Variants in TARBP1 observed in about 807,000 individuals in gnomAD.
TARBP1 encodes the protein tRNA (guanosine(18)-2'-O)-methyltransferase TARBP1.
Under a neutral mutation model 178.6 loss-of-function variants are expected in TARBP1, and 144 were observed. The ratio of observed to expected loss-of-function variants is 0.81; its 90% CI spans 0.70 to 0.93. TARBP1 has a LOEUF of 0.93. TARBP1 is among the 40% of genes least tolerant of loss of function. The pLI is 0.00. For missense variants in TARBP1, 2,067 were observed against 2,011.7 expected (o/e 1.03, Z -0.53); for synonymous variants, 787 against 781.0 (o/e 1.01, Z -0.13).
chr1:234,450,329 T>G, intron 10 of TARBP1, 99 bp downstream of exon 10: 1 of 899,948 alleles, frequency 1.1e-6, no homozygotes, highest in Non-Finnish European at 1.6e-6. Context: ...TAAATCATCA[T>G]ATATTTCGTA....
chr1:234,435,391 A>G (rs115693882), intron 13 of TARBP1, among the ~76,000 whole-genome samples: 16,824 of 152,208 alleles, frequency 0.11, 1,147 homozygotes, highest in East Asian at 0.23. Context: ...GCTGAGGCAG[A>G]AGATTGCTTG....
Position 234,479,163 on chromosome 1 carries a change from G to A in TARBP1, c.-60C>T, listed in dbSNP as rs1669896623. 7.0e-7 allele frequency: 1 copy of A among 1,423,394 alleles called. No individual in the cohort carries two copies. The highest frequency in any genetic ancestry group is 1.5e-5 in the South Asian group (1 of 68,186). 88.2% of individuals were successfully genotyped at this position (1,423,394 alleles called of 1,614,324 possible). On this transcript the variant is annotated 5_prime_UTR_variant, in exon 1 of 30. Transcript: ENST00000040877. The stretch of plus-strand genomic sequence containing the variant: ...AAAGGAAGGCGCCGGCGTGTGCGAT[G>A]CGTGCGCACAGGACCGGCCGGCCCC...
At chr1:234,398,640 T>A in intron 25 of TARBP1, 87 bp from the exon 26 acceptor site, 1 of 1,022,418 alleles carries the variant, frequency 9.8e-7, no homozygotes, top group Non-Finnish European at 1.3e-6. Flanking sequence ...TAATTATTAA[T>A]GATATATTCT....
intron 25 of TARBP1, 89 bp downstream of exon 25, chr1:234,401,092 C>T: frequency 9.5e-7 from 1 of 1,049,184 alleles, no homozygotes; most frequent in South Asian, 1.6e-5. Flanking sequence ...AAAAACTTTA[C>T]CCTAATCACA....
chr1:234,455,647 T>A (rs1667194844), intron 9 of TARBP1, among the ~76,000 whole-genome samples: 1 of 152,022 alleles, frequency 6.6e-6, no homozygotes, highest in Non-Finnish European at 1.5e-5. Flanking sequence ...ACGATAAGGA[T>A]CAAGGCAAGA....
chr1:234,412,627 G>C (rs1033499154), intron 22 of TARBP1, among the ~76,000 whole-genome samples: 1 of 152,160 alleles, frequency 6.6e-6, no homozygotes, highest in African/African-American at 2.4e-5. Flanking sequence ...TATAATTGCC[G>C]GGTGACAGAG....
intron 9 of TARBP1, among the ~76,000 whole-genome samples, chr1:234,451,253 A>G (rs1041478641): frequency 6.6e-6 from 1 of 152,252 alleles, no homozygotes; most frequent in Admixed American, 6.5e-5. Context: ...TAAAATCTAA[A>G]TATGTTCTCA....
At chr1:234,466,237 T>C (rs1668418851) in intron 4 of TARBP1, among the ~76,000 whole-genome samples, 1 of 152,206 alleles carries the variant, frequency 6.6e-6, no homozygotes, top group African/African-American at 2.4e-5. Flanking sequence ...CTTAGGCTGG[T>C]GCAGTGGCTC....
intron 9 of TARBP1, among the ~76,000 whole-genome samples, chr1:234,453,650 CTAGATAAT>C (rs999187075): frequency 7.9e-5 from 12 of 152,108 alleles, no homozygotes; most frequent in African/African-American, 2.7e-4. Context: ...CTTAACATAA[CTAGATAAT>C]TAGATAATAA....
Position 234,478,894 on chromosome 1 carries a change from C to T in TARBP1, c.210G>A (p.Val70=). 7.2e-7 allele frequency: 1 copy of T among 1,386,322 alleles called. No individual in the cohort carries two copies. Among genetic ancestry groups the T allele is most frequent in the Non-Finnish European group, 9.3e-7 (1 of 1,077,368 alleles). 85.9% of individuals were successfully genotyped at this position (1,386,322 alleles called of 1,614,324 possible). A position where few individuals can be genotyped will look rare whatever the true frequency, so the allele number is the denominator to read the frequency against. The change falls in exon 1 of 30, where the codon GTG becomes GTA. Residue 70 remains valine (V), a synonymous_variant. Coordinates refer to ENST00000040877, the MANE Select transcript of TARBP1 (RefSeq NM_005646.4). ...GTCCGCGCAGGCTCCGCAGCAGTGG[C>T]ACGAGGTACCCTGCAGCCACCTCGC... The part of the protein sequence containing the change: ...AAREVAAGYL[V]PLLRSLRGRP...
At chr1:234,424,232 C>T (rs16843102) in intron 20 of TARBP1, among the ~76,000 whole-genome samples, 2,102 of 152,298 alleles carry the variant, frequency 0.014, 49 homozygotes, top group African/African-American at 0.047. Flanking sequence ...CCGCTGACCT[C>T]GGCTTTAAAT....
At chr1:234,427,146 A>G (rs549017786) in intron 19 of TARBP1, among the ~76,000 whole-genome samples, 171 bp downstream of exon 19, 1 of 151,094 alleles carries the variant, frequency 6.6e-6, no homozygotes, top group East Asian at 1.9e-4. Flanking sequence ...ATGTAAAGAC[A>G]ATGTATTAGC....
chr1:234,405,202 T>C (rs1414368110), intron 24 of TARBP1: 1 of 151,898 alleles, frequency 6.6e-6, no homozygotes, highest in Non-Finnish European at 1.5e-5. Context: ...ATTGCCTGTG[T>C]CTCTAAAATT....
At chr1:234,475,155 G>T (rs907492198) in intron 1 of TARBP1, among the ~76,000 whole-genome samples, 1 of 152,182 alleles carries the variant, frequency 6.6e-6, no homozygotes, top group African/African-American at 2.4e-5. Flanking sequence ...CTGTGGCCAG[G>T]GCAGGAGATC....
chr1:234,443,290 CAAA>C (rs1254089749), intron 12 of TARBP1, among the ~76,000 whole-genome samples: 5 of 76,246 alleles, frequency 6.6e-5, no homozygotes, highest in Non-Finnish European at 5.7e-5. Flanking sequence ...AACTCCGTCT[CAAA>C]AAAAAAAAAA....
chr1:234,441,219 C>A (rs561111153), intron 12 of TARBP1, among the ~76,000 whole-genome samples: 2 of 152,222 alleles, frequency 1.3e-5, no homozygotes, highest in Admixed American at 6.5e-5. Flanking sequence ...CATATTCATG[C>A]ATTAAAAGTT....
In TARBP1 at chr1:234,479,117, GCGCCACC is replaced by G. The variant is rs1669889177; in HGVS notation, c.-21_-15del. ...CACCCACTCCATTTGCCGAGCGCCC[GCGCCACC>G]GGCCCGGGCTCCCAAAGGAAGGCGC... On this transcript the variant is annotated 5_prime_UTR_variant, in exon 1 of 30. Transcript: ENST00000040877. 3.9e-6 allele frequency: 6 copies of G among 1,522,446 alleles called. No individual in the cohort carries two copies. The highest frequency in any genetic ancestry group is 5.4e-5 in the East Asian group (2 of 36,842). 94.3% of individuals were successfully genotyped at this position (1,522,446 alleles called of 1,614,324 possible). A position where few individuals can be genotyped will look rare whatever the true frequency, so the allele number is the denominator to read the frequency against.
At chr1:234,474,557 C>T (rs895455734) in intron 1 of TARBP1, among the ~76,000 whole-genome samples, 7 of 152,190 alleles carry the variant, frequency 4.6e-5, no homozygotes, top group Non-Finnish European at 1.0e-4. Flanking sequence ...GCTAGAGCCA[C>T]TGATCCTACA....
Position 234,393,420 on chromosome 1 carries a change from C to T in TARBP1, c.4502G>A (p.Ser1501Asn). The T allele has an allele frequency of 6.2e-7, 1 of 1,610,252 alleles. No homozygotes were observed. The highest frequency in any genetic ancestry group is 8.5e-7 in the Non-Finnish European group (1 of 1,177,676). Reference protein sequence around the residue: ...VLVVGSLQCISDKQFQHLSVS... With the variant: ...VLVVGSLQCINDKQFQHLSVS... Reference sequence around the variant, plus strand: ...ACTGAGGTGCTGAAACTGTTTGTCGCTGATACACTGAAGGCTGCCAACAAC... The same window carrying T: ...ACTGAGGTGCTGAAACTGTTTGTCGTTGATACACTGAAGGCTGCCAACAAC... The change falls in exon 28 of 30, where the codon AGC becomes AAC. Residue 1501 changes from serine to asparagine, a missense_variant. Physicochemically the swap from Ser to Asn is conservative, Grantham distance 46. Transcript: ENST00000040877.
Sources: gnomAD v4.1 joint callset for allele counts (sites outside exome capture counted in the v4.1 genomes callset) on GRCh38, gnomAD v4.1.1 for gene constraint, MANE v1.5 for transcripts, NCBI Gene and HGNC (gene_info 2026-07-23, HGNC 2026-07-21) for gene names.